CFAP91: variants seen among roughly 807,000 people sequenced by gnomAD.
CFAP91 encodes the protein cilia and flagella associated protein 91.
CFAP91 carries 85 observed loss-of-function variants against 95.9 expected under a neutral mutation model. The ratio of observed to expected loss-of-function variants is 0.89; its 90% confidence interval spans 0.74 to 1.06. The LOEUF is 1.06. CFAP91 is among the 50% of genes least tolerant of loss of function. The pLI, the probability that CFAP91 is intolerant of heterozygous loss-of-function variation, is 0.00. For synonymous variants in CFAP91, 335 were observed against 327.5 expected (o/e 1.02, Z -0.25); for missense variants, 962 against 943.4 (o/e 1.02, Z -0.26).
chr3:119,715,068 T>TCTGC (rs765246673), intron 5 of CFAP91, among the ~76,000 whole-genome samples: 3 of 152,190 alleles, frequency 2.0e-5, no homozygotes, highest in Non-Finnish European at 4.4e-5. Flanking sequence ...ATAGAGCCTG[T>TCTGC]CTGCCTGCCT....
intron 4 of CFAP91, 121 bp from the exon 5 acceptor site, chr3:119,709,718 A>G (rs2053439858): frequency 1.3e-6 from 1 of 747,984 alleles, no homozygotes; most frequent in Non-Finnish European, 2.3e-6. Context: ...TTTGAGTAAC[A>G]CTGATATATG....
At chr3:119,731,836 G>T (rs567701506) in intron 8 of CFAP91, among the ~76,000 whole-genome samples, 1 of 152,236 alleles carries the variant, frequency 6.6e-6, no homozygotes, top group African/African-American at 2.4e-5. Flanking sequence ...AGTTCAGAAA[G>T]CTGTAAGCTG....
chr3:119,706,033 A>G (rs1305716166), intron 1 of CFAP91: 2 of 152,226 alleles, frequency 1.3e-5, no homozygotes, highest in South Asian at 2.1e-4. Context: ...ATGTGTTACC[A>G]TGTTATCTAG....
At chr3:119,737,980 G>A (rs1455459890) in intron 11 of CFAP91, among the ~76,000 whole-genome samples, 1 of 152,188 alleles carries the variant, frequency 6.6e-6, no homozygotes, top group African/African-American at 2.4e-5. Context: ...TTAGAGGGCT[G>A]ACTCAGACTA....
intron 6 of CFAP91, among the ~76,000 whole-genome samples, chr3:119,723,798 G>A (rs9811271): frequency 0.015 from 2,356 of 152,218 alleles, 57 homozygotes; most frequent in African/African-American, 0.054. Context: ...TAAAACAGGC[G>A]TAATTATGTT....
chr3:119,706,780 G>T lies in CFAP91; in HGVS notation c.125-29G>T, dbSNP rs576897003. 4 of 1,545,392 alleles carry T rather than the reference G, an allele frequency of 2.6e-6. No individual in the cohort carries two copies. In the South Asian group the frequency reaches 3.3e-5, roughly 13 times the overall value. Reference sequence around the variant, plus strand: ...GCCTAGGGGTAGATATGTTCTATCTGTTATGCTACTTGATTGTTTATTTTG... The same window carrying T: ...GCCTAGGGGTAGATATGTTCTATCTTTTATGCTACTTGATTGTTTATTTTG... On this transcript the variant is annotated intron_variant, in intron 1 of 17. Transcript: ENST00000273390.
At chr3:119,752,167 AG>A (rs1301638618) in intron 17 of CFAP91, 1 of 152,146 alleles carries the variant, frequency 6.6e-6, no homozygotes, top group African/African-American at 2.4e-5. Flanking sequence ...TTTGCCCTGA[AG>A]GTATACCAAC....
At chr3:119,718,139 T>G (rs912086710) in intron 6 of CFAP91, among the ~76,000 whole-genome samples, 3 of 151,698 alleles carry the variant, frequency 2.0e-5, no homozygotes, top group African/African-American at 7.3e-5. Flanking sequence ...CCACAACAAA[T>G]AAAGGAAATG....
chr3:119,713,939 A>C lies in CFAP91; in HGVS notation c.501-1623A>C, dbSNP rs75438564. Among the ~76,000 whole-genome samples, 70 of 152,286 alleles carry C rather than the reference A, an allele frequency of 4.6e-4. No homozygotes were observed. In the East Asian group the frequency reaches 0.011, roughly 25 times the overall value. On this transcript the variant is annotated intron_variant, in intron 5 of 17. Transcript: ENST00000273390. ...TGGCTGTTTCATATTTTTTTAAACA[A>C]TTCTCGTATTGATGTGATCATTTAA...
intron 11 of CFAP91, 46 bp downstream of exon 11, chr3:119,737,528 G>A (rs377498538): frequency 4.3e-6 from 5 of 1,151,962 alleles, no homozygotes; most frequent in Non-Finnish European, 6.5e-6. Flanking sequence ...CAATATCATT[G>A]TCAGCTTATT....
At chr3:119,751,457 G>T (rs2054324245) in intron 17 of CFAP91, among the ~76,000 whole-genome samples, 1 of 152,126 alleles carries the variant, frequency 6.6e-6, no homozygotes, top group African/African-American at 2.4e-5. Flanking sequence ...CTAATGCATT[G>T]TGCTAGCTGT....
chr3:119,744,046 C>G lies in CFAP91; in HGVS notation c.1752C>G (p.Ser584=). The change falls in exon 14 of 18, where the codon TCC becomes TCG. Residue 584 remains serine, a synonymous_variant. Transcript: ENST00000273390. ...RALADMFDFL[S]KELVRLQEER... ...TAGCAGACATGTTTGACTTCCTGTC[C>G]AAAGAGCTGGTGAGACTGCAGGAGG... 3.1e-6 allele frequency: 5 copies of G among 1,614,094 alleles called. No individual in the cohort carries two copies. The highest frequency in any genetic ancestry group is 4.2e-6 in the Non-Finnish European group (5 of 1,179,960).
At chr3:119,731,779 T>G (rs899909227) in intron 8 of CFAP91, among the ~76,000 whole-genome samples, 4 of 152,186 alleles carry the variant, frequency 2.6e-5, no homozygotes, top group African/African-American at 9.7e-5. Flanking sequence ...TTTAGATGAG[T>G]ATACTCCTGA....
chr3:119,706,841 C>T lies in CFAP91; in HGVS notation c.157C>T (p.His53Tyr), dbSNP rs373595198. ...GTTTATTGTGTCAAGTGAGAAAGACCATACACAGGCAAATATCCAAGCTAC... is the reference window on the plus strand; with the variant it reads ...GTTTATTGTGTCAAGTGAGAAAGACTATACACAGGCAAATATCCAAGCTAC... ...PLFIVSSEKD[H>Y]TQANIQATLI... The change falls in exon 2 of 18, where the codon CAT becomes TAT. Residue 53 changes from histidine (H) to tyrosine (Y), a missense_variant. His to Tyr is a moderately conservative substitution (Grantham distance 83, BLOSUM62 2). Transcript: ENST00000273390. 47 of 1,613,152 alleles carry T rather than the reference C, an allele frequency of 2.9e-5. No homozygotes were observed. The African/African-American group carries it at 5.8e-4, about 20-fold the overall frequency.
At position 119,747,202 on chromosome 3, in the gene CFAP91, A is replaced by T; in HGVS notation, c.1990A>T (p.Arg664Trp). The change falls in exon 15 of 18, where the codon AGG (arginine) becomes TGG (tryptophan). Residue 664 changes from arginine to tryptophan, a missense_variant. Physicochemically the swap from Arg to Trp is moderately radical, Grantham distance 101. Transcript: ENST00000273390. ...AGCGAATACTGCAGAAGAACAAGCC[A>T]GGGCAGAAATAGAGAAGATGGCTGA... is the stretch of plus-strand genomic sequence containing the variant. The part of the protein sequence containing the change: ...TEANTAEEQA[R>W]AEIEKMAEKI... 6.2e-7 allele frequency: 1 copy of T among 1,613,984 alleles called. No individual in the cohort carries two copies. Among genetic ancestry groups the T allele is most frequent in the South Asian group, 1.1e-5 (1 of 91,054 alleles).
chr3:119,757,970 TTCAC>T (rs2054464177), intron 17 of CFAP91, among the ~76,000 whole-genome samples: 1 of 152,220 alleles, frequency 6.6e-6, no homozygotes, highest in Non-Finnish European at 1.5e-5. Flanking sequence ...AGTAATAAAA[TTCAC>T]TCAGTTCCAT....
At chr3:119,722,254 C>G (rs565943690) in intron 6 of CFAP91, among the ~76,000 whole-genome samples, 2 of 150,198 alleles carry the variant, frequency 1.3e-5, no homozygotes, top group South Asian at 4.2e-4. Context: ...GTCAGGAGTT[C>G]AAGACCAGCC....
chr3:119,720,531 A>G (rs982755877), intron 6 of CFAP91, among the ~76,000 whole-genome samples: 1 of 151,910 alleles, frequency 6.6e-6, no homozygotes, highest in Admixed American at 6.6e-5. Context: ...TGGTAAAAAG[A>G]AAAAAAAATT....
Position 119,765,965 on chromosome 3 carries a change from C to T in CFAP91, c.*915C>T, listed in dbSNP as rs150497927. 1 of 152,160 alleles carries T rather than the reference C, an allele frequency of 6.6e-6. No homozygotes were observed. Among genetic ancestry groups the T allele is most frequent in the Non-Finnish European group, 1.5e-5 (1 of 68,010 alleles). The allele number at this position is 152,160 out of a possible 1,614,324, so 9.4% of individuals were successfully genotyped here. A position where few individuals can be genotyped will look rare whatever the true frequency, so the allele number is the denominator to read the frequency against. On this transcript the variant is annotated 3_prime_UTR_variant, in exon 18 of 18. Coordinates refer to ENST00000273390, the MANE Select transcript of CFAP91 (RefSeq NM_033364.4). ...CAAAAAGAAAGGGTCTTTTCAGAAA[C>T]TGAAGTAGGAAATAATAACAGACAA...
Sources: gnomAD v4.1 joint callset for allele counts (sites outside exome capture counted in the v4.1 genomes callset) on GRCh38, gnomAD v4.1.1 for gene constraint, MANE v1.5 for transcripts, NCBI Gene and HGNC (gene_info 2026-07-23, HGNC 2026-07-21) for gene names.